Variants in MYO5A observed in about 807,000 individuals in gnomAD.
The protein encoded by MYO5A is unconventional myosin-Va.
MYO5A carries 98 observed loss-of-function variants against 249.7 expected under a neutral mutation model. The ratio of observed to expected loss-of-function variants is 0.39; its 90% CI spans 0.33 to 0.46. The LOEUF is 0.46. MYO5A is among the 20% of genes least tolerant of loss of function. MYO5A has a pLI of 0.98. For synonymous variants in MYO5A, 778 were observed against 810.6 expected, an observed-to-expected ratio of 0.96 and a Z score of 0.68; for missense variants, 1,696 against 2,308.8, an observed-to-expected ratio of 0.73 and a Z score of 5.44.
chr15:52,344,293 C>G (rs930332440), intron 30 of MYO5A, among the ~76,000 whole-genome samples: 2 of 152,204 alleles, frequency 1.3e-5, no homozygotes, highest in Non-Finnish European at 2.9e-5. Context: ...ATATACTCAA[C>G]TGCCTAATAG....
At chr15:52,377,198 C>T (rs1049373776) in intron 18 of MYO5A, among the ~76,000 whole-genome samples, 1 of 152,016 alleles carries the variant, frequency 6.6e-6, no homozygotes, top group Non-Finnish European at 1.5e-5. Context: ...TCAAGGCTGG[C>T]GGATCATGAG....
At chr15:52,326,575 T>G (rs1377545153) in intron 36 of MYO5A, among the ~76,000 whole-genome samples, 1 of 152,138 alleles carries the variant, frequency 6.6e-6, no homozygotes. Flanking sequence ...GAGTTAGTGT[T>G]TAATGGGTAC....
intron 16 of MYO5A, among the ~76,000 whole-genome samples, chr15:52,380,654 C>T (rs1277703365): frequency 1.3e-5 from 2 of 152,042 alleles, no homozygotes; most frequent in African/African-American, 4.8e-5. Flanking sequence ...GTAATCCCAG[C>T]TACTCCAGAG....
intron 14 of MYO5A, 118 bp downstream of exon 14, chr15:52,387,711 G>A (rs1327075855): frequency 1.3e-6 from 1 of 777,618 alleles, no homozygotes; most frequent in Non-Finnish European, 2.2e-6. Flanking sequence ...CATACTAAGT[G>A]TTATATATTT....
intron 1 of MYO5A, among the ~76,000 whole-genome samples, chr15:52,436,899 G>A (rs1410735020): frequency 6.6e-6 from 1 of 152,190 alleles, no homozygotes; most frequent in Non-Finnish European, 1.5e-5. Context: ...TACTCCCAGG[G>A]CCACCAGATG....
intron 9 of MYO5A, among the ~76,000 whole-genome samples, chr15:52,404,847 G>C (rs969345971): frequency 6.6e-6 from 1 of 152,210 alleles, no homozygotes; most frequent in Non-Finnish European, 1.5e-5. Context: ...GGTCAGTCAT[G>C]AAGGCCCTTT....
intron 1 of MYO5A, chr15:52,505,198 G>T: frequency 1.3e-6 from 1 of 768,606 alleles, no homozygotes; most frequent in Non-Finnish European, 2.4e-6. Flanking sequence ...CATGGGTTTT[G>T]GAGACCTGAA....
chr15:52,398,975 C>T (rs570925121), intron 9 of MYO5A, among the ~76,000 whole-genome samples: 241 of 145,350 alleles, frequency 1.7e-3, no homozygotes, highest in African/African-American at 6.0e-3. Context: ...GGTGACAGAG[C>T]GAGACTCCGT....
chr15:52,316,986 C>G, intron 40 of MYO5A, 62 bp downstream of exon 40: 2 of 1,534,822 alleles, frequency 1.3e-6, no homozygotes, highest in Non-Finnish European at 1.8e-6. Flanking sequence ...GACTTCTTTA[C>G]TTCCCTAAAG....
At chr15:52,354,076 A>C (rs2040086182) in intron 25 of MYO5A, 62 bp from the exon 26 acceptor site, 2 of 1,596,588 alleles carry the variant, frequency 1.3e-6, no homozygotes, top group African/African-American at 2.7e-5. Context: ...GCCAATGAGA[A>C]AATGACAAAC....
chr15:52,493,141 A>G (rs780798681), intron 1 of MYO5A, among the ~76,000 whole-genome samples: 3 of 152,212 alleles, frequency 2.0e-5, no homozygotes, highest in Non-Finnish European at 2.9e-5. Flanking sequence ...TAGAAAAGGT[A>G]GCCTTTTGTC....
intron 35 of MYO5A, chr15:52,328,958 C>A (rs891899189): frequency 3.3e-5 from 5 of 152,208 alleles, no homozygotes; most frequent in Non-Finnish European, 5.9e-5. Context: ...GATCACCTTA[C>A]CAAAGAGTGT....
chr15:52,370,794 C>T lies in MYO5A; in HGVS notation c.2818-377G>A, dbSNP rs370491208. On this transcript the variant is annotated intron_variant, in intron 21 of 41. Coordinates refer to ENST00000399233, the MANE Select transcript of MYO5A (RefSeq NM_001382347.1). ...AAAACCATTTACTAGCTTAGTGATG[C>T]GTACGAATGATTAAAACAGCCTCAA... Among the ~76,000 whole-genome samples the T allele has an allele frequency of 9.2e-5, 14 of 152,172 alleles. No individual in the cohort carries two copies. The East Asian group carries it at 1.7e-3, about 19-fold the overall frequency.
intron 1 of MYO5A, among the ~76,000 whole-genome samples, chr15:52,453,068 T>C (rs1002433834): frequency 4.6e-5 from 7 of 151,946 alleles, no homozygotes; most frequent in African/African-American, 1.7e-4. Flanking sequence ...TATCCAGGTA[T>C]AGGAAGGTCA....
chr15:52,342,274 G>A (rs995624527), intron 31 of MYO5A, among the ~76,000 whole-genome samples: 9 of 152,136 alleles, frequency 5.9e-5, no homozygotes, highest in African/African-American at 1.9e-4. Context: ...CAGGAGGATC[G>A]TTTGAGCCCA....
At chr15:52,478,671 G>A (rs1468711498) in intron 1 of MYO5A, among the ~76,000 whole-genome samples, 2 of 152,154 alleles carry the variant, frequency 1.3e-5, no homozygotes, top group Non-Finnish European at 1.5e-5. Flanking sequence ...GCCTTAAGTT[G>A]TCAGGTTTAC....
At chr15:52,479,348 G>A (rs1212202157) in intron 1 of MYO5A, among the ~76,000 whole-genome samples, 1 of 151,902 alleles carries the variant, frequency 6.6e-6, no homozygotes, top group Non-Finnish European at 1.5e-5. Flanking sequence ...TAGTATTTAC[G>A]TATACTTTAT....
At chr15:52,450,990 A>C (rs556011711) in intron 1 of MYO5A, among the ~76,000 whole-genome samples, 1 of 11,684 alleles carries the variant, frequency 8.6e-5, no homozygotes, top group South Asian at 4.3e-3. Context: ...TCAGGAGTTT[A>C]AATGCCAATT....
intron 11 of MYO5A, among the ~76,000 whole-genome samples, chr15:52,395,793 A>G (rs1305377091): frequency 2.6e-5 from 4 of 152,118 alleles, no homozygotes; most frequent in Non-Finnish European, 5.9e-5. Flanking sequence ...GCATCTCTGA[A>G]TCTCCCAAAA....
Sources: allele counts gnomAD v4.1 joint callset (sites outside exome capture counted in the v4.1 genomes callset), GRCh38; gene constraint gnomAD v4.1.1; transcripts MANE v1.5; gene names NCBI Gene and HGNC (gene_info 2026-07-23, HGNC 2026-07-21).